Variants in SH2B1 observed in about 807,000 individuals in gnomAD.
SH2B1 encodes the protein SH2B adaptor protein 1, also known as SH2B adapter protein 1.
SH2B1 carries 15 observed loss-of-function variants against 62.6 expected under a neutral mutation model. That is an observed-to-expected ratio of 0.24 (90% CI 0.16 to 0.37). The LOEUF is 0.37. Ranked by LOEUF, SH2B1 falls within the 10% of genes least tolerant of loss-of-function variation. SH2B1 has a pLI of 1.00. For synonymous variants in SH2B1, 443 were observed against 438.0 expected, an observed-to-expected ratio of 1.01 and a Z score of -0.14; for missense variants, 925 against 1,015.6, an observed-to-expected ratio of 0.91 and a Z score of 1.21.
In SH2B1 at chr16:28,852,849, T is replaced by TTTTTATATATATATA. The variant is rs1567459325; in HGVS notation, c.-301+6022_-301+6023insTTTTATATATATATA. Among the ~76,000 whole-genome samples the TTTTTATATATATATA allele has an allele frequency of 1.7e-3, 73 of 43,372 alleles. 19 individuals carry two copies. Among genetic ancestry groups the TTTTTATATATATATA allele is most frequent in the South Asian group, 2.6e-3 (5 of 1,946 alleles). The allele number at this position is 43,372 out of a possible 152,430, so 28.5% of individuals were successfully genotyped here. A position where few individuals can be genotyped will look rare whatever the true frequency, so the allele number is the denominator to read the frequency against. ...ATATTTATATATATATACATATATA[T>TTTTTATATATATATA]ATTTTTATATATATTTACATATATA... On this transcript the variant is annotated intron_variant, in intron 1 of 10. Transcript: ENST00000322610.
chr16:28,869,510 A>C, intron 4 of SH2B1, 127 bp downstream of exon 4: 2 of 789,172 alleles, frequency 2.5e-6, no homozygotes, highest in South Asian at 1.9e-5. Flanking sequence ...CCCTACCCCA[A>C]CCCCACCAAA....
intron 1 of SH2B1, among the ~76,000 whole-genome samples, chr16:28,855,866 A>C (rs1472478312): frequency 7.8e-6 from 1 of 128,822 alleles, no homozygotes; most frequent in African/African-American, 2.9e-5. Flanking sequence ...TGTGTTGGCC[A>C]GGATGGTCTC....
chr16:28,873,984 C>A lies in SH2B1; in HGVS notation c.*164C>A. 1.6e-6 allele frequency: 1 copy of A among 613,368 alleles called. No homozygotes were observed. The highest frequency in any genetic ancestry group is 5.2e-5 in the South Asian group (1 of 19,176). 38.0% of individuals were successfully genotyped at this position (613,368 alleles called of 1,614,324 possible). On this transcript the variant is annotated 3_prime_UTR_variant, in exon 8 of 8. Transcript: ENST00000684370. This position sits in a 1 kb window ranked among gnomAD's most constrained non-coding sequence, Gnocchi z 4.2. ...GCAGAGGCTCGGGAGAGGCTCCCGT[C>A]ACACACTACAGGTCCCCTCCCCAGG...
At position 28,872,063 on chromosome 16, in the gene SH2B1, C is replaced by G. The variant is rs954914563; in HGVS notation, c.1513+80C>G. The G allele has an allele frequency of 3.6e-5, 48 of 1,344,000 alleles. No homozygotes were observed. The highest frequency in any genetic ancestry group is 4.5e-5 in the Non-Finnish European group (42 of 942,052). 83.3% of individuals were successfully genotyped at this position (1,344,000 alleles called of 1,614,324 possible). On this transcript the variant is annotated intron_variant, in intron 5 of 7. Transcript: ENST00000684370. The surrounding 1 kb of genome is among the most constrained non-coding windows in gnomAD (Gnocchi z 5.3). ...CACCTCTCCTGGGATCCCGAGGGAG[C>G]TGGCCCAGGGGAGTTGGGGACGCAT...
At chr16:28,869,513 C>A in intron 4 of SH2B1, 130 bp downstream of exon 4, 1 of 784,882 alleles carries the variant, frequency 1.3e-6, no homozygotes, top group Non-Finnish European at 2.0e-6. Context: ...TACCCCAACC[C>A]CACCAAATGT....
chr16:28,852,325 TA>T (rs1229347315), intron 1 of SH2B1, among the ~76,000 whole-genome samples: 10 of 81,584 alleles, frequency 1.2e-4, no homozygotes, highest in Admixed American at 2.0e-4. Context: ...TACATATATA[TA>T]TTTACATATA....
chr16:28,859,916 T>C (rs180734422), upstream of SH2B1, among the ~76,000 whole-genome samples: 1 of 133,134 alleles, frequency 7.5e-6, no homozygotes, highest in African/African-American at 2.8e-5. Context: ...GGAATTAGGG[T>C]TTCTAGTAGT....
intron 1 of SH2B1, among the ~76,000 whole-genome samples, chr16:28,851,813 A>C (rs1203741448): frequency 1.3e-5 from 2 of 149,908 alleles, no homozygotes; most frequent in Non-Finnish European, 3.0e-5. Flanking sequence ...TCACGCCTGT[A>C]ATCCCAGCAC....
intron 4 of SH2B1, 58 bp from the exon 5 acceptor site, chr16:28,871,722 G>A: frequency 1.4e-6 from 2 of 1,406,628 alleles, no homozygotes; most frequent in Non-Finnish European, 2.0e-6. Flanking sequence ...ATGGGCCCAG[G>A]ACAGTCCTTT....
At position 28,873,025 on chromosome 16, in the gene SH2B1, C is replaced by T. The variant is rs887830688; in HGVS notation, c.1897+320C>T. ...TCCTGGCCTCGTCTTTGCCCTCCGT[C>T]GCAGCCTGGCCTTGGGCCTGCCCTT... On this transcript the variant is annotated intron_variant, in intron 7 of 7. Coordinates refer to ENST00000684370, the MANE Select transcript of SH2B1 (RefSeq NM_001387430.1). The surrounding 1 kb of genome is among the most constrained non-coding windows in gnomAD (Gnocchi z 4.2). 37 of 662,952 alleles carry T rather than the reference C, an allele frequency of 5.6e-5. No homozygotes were observed. The highest frequency in any genetic ancestry group is 4.1e-4 in the East Asian group (15 of 36,780). 41.1% of individuals were successfully genotyped at this position (662,952 alleles called of 1,614,324 possible).
chr16:28,859,122 G>A (rs1451325631), upstream of SH2B1, among the ~76,000 whole-genome samples: 2 of 151,804 alleles, frequency 1.3e-5, no homozygotes, highest in Non-Finnish European at 2.9e-5. Flanking sequence ...TTTTGTATTT[G>A]TTGTAGAGAT....
At chr16:28,852,928 T>G (rs1382044122) in intron 1 of SH2B1, among the ~76,000 whole-genome samples, 1 of 60,852 alleles carries the variant, frequency 1.6e-5, no homozygotes, top group South Asian at 7.1e-4. Context: ...ATATATATTT[T>G]TATATATATG....
intron 3 of SH2B1, 25 bp downstream of exon 3, chr16:28,869,122 A>G (rs1596627622): frequency 1.9e-6 from 3 of 1,613,392 alleles, no homozygotes; most frequent in South Asian, 1.1e-5. Flanking sequence ...TTCTGTCGCT[A>G]AGGGACATAG....
chr16:28,852,836 A>T lies in SH2B1; in HGVS notation c.-301+6009A>T, dbSNP rs1168332445. Among the ~76,000 whole-genome samples, 6 of 76,234 alleles carry T rather than the reference A, an allele frequency of 7.9e-5. 1 individual carries two copies. The highest frequency in any genetic ancestry group is 1.4e-4 in the Non-Finnish European group (6 of 42,656). The allele number at this position is 76,234 out of a possible 152,430, so 50.0% of individuals were successfully genotyped here. On this transcript the variant is annotated intron_variant, in intron 1 of 10. Transcript: ENST00000322610. Reference sequence around the variant, plus strand: ...TATATTTACATATATATTTATATATATATACATATATATATTTTTATATAT... The same window carrying T: ...TATATTTACATATATATTTATATATTTATACATATATATATTTTTATATAT...
In SH2B1 at chr16:28,854,001, CAAAAAAAAAAAAAAAA is replaced by C. The variant is rs59760541; in HGVS notation, c.-301+7186_-301+7201del. 1.1e-4 allele frequency among the ~76,000 whole-genome samples: 5 copies of C among 45,996 alleles called. No homozygotes were observed. In the East Asian group the frequency reaches 3.0e-3, roughly 27 times the overall value. The allele number at this position is 45,996 out of a possible 152,430, so 30.2% of individuals were successfully genotyped here. On this transcript the variant is annotated intron_variant, in intron 1 of 10. Transcript: ENST00000322610. ...TGGGAGACAGAGTGAGACTAGGTCT[CAAAAAAAAAAAAAAAA>C]AAAAAAAAAAAGTGCATCATCTCAG...
At chr16:28,861,369 G>A (rs1292790810), upstream of SH2B1, among the ~76,000 whole-genome samples, 1 of 152,112 alleles carries the variant, frequency 6.6e-6, no homozygotes, top group Non-Finnish European at 1.5e-5. Flanking sequence ...CTGAACTCAT[G>A]ATGCGCCCGC....
Position 28,871,861 on chromosome 16 carries a change from C to G in SH2B1, c.1391C>G (p.Ser464Trp), listed in dbSNP as rs779441545. The change falls in exon 5 of 8, where the codon TCG becomes TGG. Residue 464 changes from serine to tryptophan, a missense_variant. Physicochemically the swap from Ser to Trp is radical, Grantham distance 177 (BLOSUM62 -3). Coordinates refer to ENST00000684370, the MANE Select transcript of SH2B1 (RefSeq NM_001387430.1). ...TCCATTGCCGCCTCCCATTTTGACTCGATGGAACTGCTTCCCCCAGAGTTG... is the reference window on the plus strand; with the variant it reads ...TCCATTGCCGCCTCCCATTTTGACTGGATGGAACTGCTTCCCCCAGAGTTG... ...SASIAASHFD[S>W]MELLPPELPP... 2.9e-5 allele frequency: 46 copies of G among 1,611,442 alleles called. No individual in the cohort carries two copies. The highest frequency in any genetic ancestry group is 3.9e-5 in the Non-Finnish European group (46 of 1,177,640).
chr16:28,863,685 A>C (rs1381684694), upstream of SH2B1: 1 of 1,534,714 alleles, frequency 6.5e-7, no homozygotes, highest in East Asian at 2.4e-5. Flanking sequence ...TGGAGAAGGC[A>C]CTGAAGCCCT....
intron 4 of SH2B1, among the ~76,000 whole-genome samples, chr16:28,869,714 ATCTTTGT>A (rs1205399880): frequency 6.6e-6 from 1 of 152,198 alleles, no homozygotes; most frequent in African/African-American, 2.4e-5. Context: ...CTTTGTAGAA[ATCTTTGT>A]TTTGTTCTTA....
Sources: gnomAD v4.1 joint callset for allele counts (sites outside exome capture counted in the v4.1 genomes callset) on GRCh38, gnomAD v4.1.1 for gene constraint, Gnocchi (gnomAD v3.1) non-coding constraint, MANE v1.5 for transcripts, NCBI Gene and HGNC (gene_info 2026-07-23, HGNC 2026-07-21) for gene names.